KCNJ6: variants seen among roughly 807,000 people sequenced by gnomAD.
KCNJ6 encodes potassium inwardly rectifying channel subfamily J member 6, also known as G protein-activated inward rectifier potassium channel 2.
Under a neutral mutation model 34.2 loss-of-function variants are expected in KCNJ6, and 9 were observed. The ratio of observed to expected loss-of-function variants is 0.26; its 90% confidence interval spans 0.16 to 0.46. KCNJ6 has a LOEUF of 0.46. Ranked by LOEUF, KCNJ6 falls within the 20% of genes least tolerant of loss-of-function variation. The pLI is 1.00. For missense variants in KCNJ6, 236 were observed against 531.3 expected, an observed-to-expected ratio of 0.44 and a Z score of 5.46; for synonymous variants, 196 against 207.1, an observed-to-expected ratio of 0.95 and a Z score of 0.46.
At chr21:37,679,939 G>T (rs1168630584) in intron 3 of KCNJ6, among the ~76,000 whole-genome samples, 1 of 152,200 alleles carries the variant, frequency 6.6e-6, no homozygotes, top group African/African-American at 2.4e-5. Context: ...ATGGTCACTG[G>T]TGCTCAGGGA....
intron 3 of KCNJ6, among the ~76,000 whole-genome samples, chr21:37,629,820 G>T (rs2054326071): frequency 6.6e-6 from 1 of 152,252 alleles, no homozygotes; most frequent in East Asian, 1.9e-4. Context: ...TTGAAGAGGA[G>T]TATTTAATTT....
chr21:37,852,406 G>A (rs958013159), intron 1 of KCNJ6, among the ~76,000 whole-genome samples: 1 of 152,162 alleles, frequency 6.6e-6, no homozygotes, highest in Non-Finnish European at 1.5e-5. Flanking sequence ...AAGTGTTGGT[G>A]GAGACCACCA....
intron 3 of KCNJ6, among the ~76,000 whole-genome samples, chr21:37,637,724 C>A (rs867795388): frequency 3.3e-5 from 5 of 152,154 alleles, no homozygotes; most frequent in Admixed American, 6.5e-5. Flanking sequence ...ATGACTGTAT[C>A]TGGAGAACTG....
intron 3 of KCNJ6, among the ~76,000 whole-genome samples, chr21:37,712,187 A>C (rs2835908): frequency 0.67 from 102,487 of 152,068 alleles, 35,042 homozygotes; most frequent in Admixed American, 0.73. Context: ...TAGCATCAGT[A>C]ACCAGAGGGT....
chr21:37,750,952 G>A (rs1284811784), intron 2 of KCNJ6, among the ~76,000 whole-genome samples: 1 of 152,096 alleles, frequency 6.6e-6, no homozygotes, highest in Non-Finnish European at 1.5e-5. Context: ...TTGCTATCTG[G>A]TTACACACTC....
At chr21:37,786,839 C>T (rs1430082447) in intron 2 of KCNJ6, among the ~76,000 whole-genome samples, 1 of 152,170 alleles carries the variant, frequency 6.6e-6, no homozygotes, top group Non-Finnish European at 1.5e-5. Flanking sequence ...AAGTTCCTAA[C>T]ACAGATCTTG....
At chr21:37,884,535 C>T (rs1263950587) in intron 1 of KCNJ6, among the ~76,000 whole-genome samples, 1 of 152,118 alleles carries the variant, frequency 6.6e-6, no homozygotes, top group Non-Finnish European at 1.5e-5. Flanking sequence ...GTTAACCTTC[C>T]CCAGAAGCCA....
At chr21:37,881,202 C>T (rs2055706038) in intron 1 of KCNJ6, among the ~76,000 whole-genome samples, 1 of 152,164 alleles carries the variant, frequency 6.6e-6, no homozygotes, top group South Asian at 2.1e-4. Context: ...GGAAGGCAGT[C>T]AGGAGTGGAA....
At chr21:37,789,658 G>C (rs1464357292) in intron 2 of KCNJ6, among the ~76,000 whole-genome samples, 1 of 152,170 alleles carries the variant, frequency 6.6e-6, no homozygotes, top group Non-Finnish European at 1.5e-5. Context: ...AAAGAGTCTA[G>C]GTCTTCGACG....
At chr21:37,682,083 CA>C (rs1330690950) in intron 3 of KCNJ6, among the ~76,000 whole-genome samples, 1 of 152,194 alleles carries the variant, frequency 6.6e-6, no homozygotes, top group African/African-American at 2.4e-5. Context: ...ACCAGGTAGA[CA>C]ATAGAAGGGG....
rs1390544401 is a variant in KCNJ6, at chr21:37,892,029, C to T, written c.-28+23855G>A. ...GGGAGCTTAAACACTGAAGAATTTGCAGGTATCTTTTTAAAGCATTCTTGT... is the reference window on the plus strand; with the variant it reads ...GGGAGCTTAAACACTGAAGAATTTGTAGGTATCTTTTTAAAGCATTCTTGT... On this transcript the variant is annotated intron_variant, in intron 1 of 3. Transcript: ENST00000609713. 2.0e-5 allele frequency among the ~76,000 whole-genome samples: 3 copies of T among 152,150 alleles called. No homozygotes were observed. In the East Asian group the frequency reaches 5.8e-4, roughly 29 times the overall value.
chr21:37,832,881 A>T (rs527962518), intron 2 of KCNJ6, among the ~76,000 whole-genome samples: 1 of 152,226 alleles, frequency 6.6e-6, no homozygotes, highest in East Asian at 1.9e-4. Context: ...TCAAGCTTTC[A>T]TCAGACAGGT....
chr21:37,739,625 C>G (rs2054929878), intron 2 of KCNJ6, among the ~76,000 whole-genome samples: 2 of 152,142 alleles, frequency 1.3e-5, no homozygotes, highest in Admixed American at 1.3e-4. Context: ...CCCGCTGGTT[C>G]AATTGTTTTT....
At chr21:37,793,379 G>A (rs781158053) in intron 2 of KCNJ6, among the ~76,000 whole-genome samples, 3 of 152,092 alleles carry the variant, frequency 2.0e-5, no homozygotes, top group Non-Finnish European at 4.4e-5. Flanking sequence ...TTCAGCCTTC[G>A]GCTGAGATGC....
rs2123452158 is a variant in KCNJ6 at position 37,715,037 on chromosome 21, C to T, written c.120G>A (p.Leu40=). 6.2e-7 allele frequency: 1 copy of T among 1,614,178 alleles called. No individual in the cohort carries two copies. The highest frequency in any genetic ancestry group is 2.2e-5 in the East Asian group (1 of 44,870). The stretch of plus-strand genomic sequence containing the variant: ...TCCGATCTCGGCTGATGTGTCTTGG[C>T]AGGTCATCCCTGGCCTGCTTAGGCA... ...PKLPKQARDD[L]PRHISRDRTK... is the part of the protein sequence containing the mutation. Residue 40 remains leucine (L), a synonymous_variant, in exon 3 of 4, where the codon CTG becomes CTA. Coordinates refer to ENST00000609713, the MANE Select transcript of KCNJ6 (RefSeq NM_002240.5).
intron 1 of KCNJ6, among the ~76,000 whole-genome samples, chr21:37,872,457 A>T (rs2055657406): frequency 1.3e-5 from 2 of 152,152 alleles, no homozygotes; most frequent in African/African-American, 4.8e-5. Flanking sequence ...CACCAACAGG[A>T]AGTTTTCAGT....
intron 3 of KCNJ6, among the ~76,000 whole-genome samples, chr21:37,664,897 A>G (rs2054506931): frequency 6.8e-6 from 1 of 147,126 alleles, no homozygotes. Flanking sequence ...CCCGGTTCAC[A>G]CCATTCTCCT....
intron 2 of KCNJ6, among the ~76,000 whole-genome samples, chr21:37,746,567 T>C (rs1028329654): frequency 2.0e-5 from 3 of 152,210 alleles, no homozygotes; most frequent in African/African-American, 7.2e-5. Flanking sequence ...GAAAGTTCCA[T>C]AACTTGCCTA....
chr21:37,897,052 C>A (rs544543038), intron 1 of KCNJ6, among the ~76,000 whole-genome samples: 1 of 152,318 alleles, frequency 6.6e-6, no homozygotes, highest in Non-Finnish European at 1.5e-5. Flanking sequence ...GGAGGCTGAG[C>A]TTTGCCTGTA....
Sources: gnomAD v4.1 joint callset for allele counts (sites outside exome capture counted in the v4.1 genomes callset) on GRCh38, gnomAD v4.1.1 for gene constraint, MANE v1.5 for transcripts, NCBI Gene and HGNC (gene_info 2026-07-23, HGNC 2026-07-21) for gene names.